Variants in SUCLG2 observed in about 807,000 individuals in gnomAD.
SUCLG2 encodes succinate-CoA ligase GDP-forming subunit beta.
Under a neutral mutation model 47.9 loss-of-function variants are expected in SUCLG2, and 42 were observed. The observed-to-expected ratio is 0.88, with a 90% CI of 0.69 to 1.14. SUCLG2 has a LOEUF of 1.14. Among genes scored for constraint, SUCLG2 ranks in the 50% most tolerant of loss-of-function variants. SUCLG2 has a pLI of 0.00. For synonymous variants in SUCLG2, 195 were observed against 197.3 expected, an observed-to-expected ratio of 0.99 and a Z score of 0.10; for missense variants, 571 against 525.9, an observed-to-expected ratio of 1.09 and a Z score of -0.84.
chr3:67,650,455 G>C (rs1215611914), intron 1 of SUCLG2, among the ~76,000 whole-genome samples: 1 of 152,140 alleles, frequency 6.6e-6, no homozygotes, highest in African/African-American at 2.4e-5. Context: ...ATACAACAAG[G>C]ATTCTAAAAT....
chr3:67,616,358 A>T (rs1299727265), intron 1 of SUCLG2, among the ~76,000 whole-genome samples: 1 of 152,226 alleles, frequency 6.6e-6, no homozygotes, highest in Non-Finnish European at 1.5e-5. Context: ...AAGCTGCAGA[A>T]CAATACATAC....
Position 67,375,045 on chromosome 3 carries a change from A to C in SUCLG2, c.*699T>G. 4 of 985,840 alleles carry C rather than the reference A, an allele frequency of 4.1e-6. No homozygotes were observed. Among genetic ancestry groups the C allele is most frequent in the Non-Finnish European group, 4.8e-6 (4 of 829,916 alleles). 61.1% of individuals were successfully genotyped at this position (985,840 alleles called of 1,614,324 possible). A position where few individuals can be genotyped will look rare whatever the true frequency, so the allele number is the denominator to read the frequency against. On this transcript the variant is annotated 3_prime_UTR_variant, in exon 11 of 11. Coordinates refer to ENST00000307227, the MANE Select transcript of SUCLG2 (RefSeq NM_003848.4). ...CACAAAAATGGAAGCTTCCACTCCC[A>C]AAATCACAAATAAGGCTTCTGGTTT...
At chr3:67,636,686 C>T (rs763910532) in intron 1 of SUCLG2, among the ~76,000 whole-genome samples, 5 of 152,008 alleles carry the variant, frequency 3.3e-5, no homozygotes, top group Non-Finnish European at 5.9e-5. Flanking sequence ...TTAGTAGAGA[C>T]GGGGTTTCAC....
rs531058488 is a variant in SUCLG2, at chr3:67,447,327, T to TG, written c.1063-46477dup. On this transcript the variant is annotated intron_variant, in intron 9 of 10. Coordinates refer to ENST00000307227, the MANE Select transcript of SUCLG2 (RefSeq NM_003848.4). Reference sequence around the variant, plus strand: ...GTCTTAACAAGTCATTACCAAAAAGTGACTGTTTAAATATAGAAAATATGA... The same window carrying TG: ...GTCTTAACAAGTCATTACCAAAAAGTGGACTGTTTAAATATAGAAAATATGA... Among the ~76,000 whole-genome samples the TG allele has an allele frequency of 3.3e-4, 51 of 152,336 alleles. No individual in the cohort carries two copies. In the East Asian group the frequency reaches 7.5e-3, roughly 22 times the overall value.
At chr3:67,441,367 A>G (rs1703759820) in intron 9 of SUCLG2, among the ~76,000 whole-genome samples, 1 of 141,266 alleles carries the variant, frequency 7.1e-6, no homozygotes. Flanking sequence ...TCAGAACTTA[A>G]AAAAAAAAAA....
At chr3:67,600,530 T>C (rs1708397135) in intron 2 of SUCLG2, among the ~76,000 whole-genome samples, 1 of 152,224 alleles carries the variant, frequency 6.6e-6, no homozygotes. Context: ...TCTGACTGTA[T>C]AGCCTGTGTT....
At chr3:67,400,662 T>A in intron 10 of SUCLG2, 69 bp downstream of exon 10, 1 of 1,584,436 alleles carries the variant, frequency 6.3e-7, no homozygotes, top group Non-Finnish European at 8.5e-7. Context: ...AGTTTGTGAA[T>A]CCAGAACATG....
At chr3:67,510,825 T>C (rs1249416494) in intron 6 of SUCLG2, among the ~76,000 whole-genome samples, 1 of 152,110 alleles carries the variant, frequency 6.6e-6, no homozygotes, top group Non-Finnish European at 1.5e-5. Context: ...TAGGATAAAT[T>C]ACCCAGAGTG....
chr3:67,423,507 A>C (rs897596506), intron 9 of SUCLG2, among the ~76,000 whole-genome samples: 1 of 152,048 alleles, frequency 6.6e-6, no homozygotes, highest in African/African-American at 2.4e-5. Context: ...AGACACTACA[A>C]TTCCCTCCTC....
At chr3:67,470,045 C>CAAAAAA (rs200817099) in intron 9 of SUCLG2, among the ~76,000 whole-genome samples, 1 of 96,438 alleles carries the variant, frequency 1.0e-5, no homozygotes. Flanking sequence ...AACTCCATAT[C>CAAAAAA]AAAAAAAAAA....
At chr3:67,531,892 A>G (rs1706415236) in intron 2 of SUCLG2, among the ~76,000 whole-genome samples, 1 of 152,162 alleles carries the variant, frequency 6.6e-6, no homozygotes, top group South Asian at 2.1e-4. Context: ...TATTTACCAA[A>G]TTGATTCACA....
intron 7 of SUCLG2, among the ~76,000 whole-genome samples, chr3:67,505,958 T>C (rs1273637751): frequency 6.7e-6 from 1 of 149,850 alleles, no homozygotes. Context: ...TGAGACCCTG[T>C]CTCAAAAATA....
intron 2 of SUCLG2, among the ~76,000 whole-genome samples, chr3:67,605,658 C>G (rs1207470037): frequency 2.6e-5 from 4 of 151,986 alleles, no homozygotes; most frequent in African/African-American, 9.7e-5. Flanking sequence ...CTGGTGAAAC[C>G]TGCATGCACA....
chr3:67,557,524 G>A (rs1707194194), intron 2 of SUCLG2, among the ~76,000 whole-genome samples: 1 of 151,932 alleles, frequency 6.6e-6, no homozygotes, highest in Non-Finnish European at 1.5e-5. Flanking sequence ...ACTATTTCTG[G>A]GCTTACCAAA....
At chr3:67,518,772 T>C (rs1275883351) in intron 5 of SUCLG2, among the ~76,000 whole-genome samples, 1 of 152,206 alleles carries the variant, frequency 6.6e-6, no homozygotes, top group African/African-American at 2.4e-5. Context: ...ATTATTACTG[T>C]TACCTTAGCT....
At chr3:67,446,762 C>T (rs1703938234) in intron 9 of SUCLG2, among the ~76,000 whole-genome samples, 2 of 151,968 alleles carry the variant, frequency 1.3e-5, no homozygotes, top group South Asian at 2.1e-4. Flanking sequence ...AAAACAATGC[C>T]AGGCACTCAA....
At chr3:67,614,181 T>C (rs1045100007) in intron 1 of SUCLG2, among the ~76,000 whole-genome samples, 2 of 152,188 alleles carry the variant, frequency 1.3e-5, no homozygotes, top group African/African-American at 4.8e-5. Flanking sequence ...AAAGATCATC[T>C]GCCCCAGTGC....
intron 9 of SUCLG2, among the ~76,000 whole-genome samples, chr3:67,401,595 A>AAAT (rs1409098244): frequency 9.3e-5 from 14 of 149,900 alleles, no homozygotes; most frequent in Non-Finnish European, 1.3e-4. Flanking sequence ...AAAAAAACAA[A>AAAT]CTCTACTTGT....
At chr3:67,555,105 A>G (rs1309230278) in intron 2 of SUCLG2, among the ~76,000 whole-genome samples, 1 of 152,208 alleles carries the variant, frequency 6.6e-6, no homozygotes, top group Non-Finnish European at 1.5e-5. Context: ...ACACTGATTA[A>G]TAACAGTAAA....
Sources: allele counts gnomAD v4.1 joint callset (sites outside exome capture counted in the v4.1 genomes callset), GRCh38; gene constraint gnomAD v4.1.1; transcripts MANE v1.5; gene names NCBI Gene and HGNC (gene_info 2026-07-23, HGNC 2026-07-21).